CCDC85A: variants seen among roughly 807,000 people sequenced by gnomAD.
The protein encoded by CCDC85A is coiled-coil domain-containing protein 85A.
A neutral mutation model predicts 50.2 loss-of-function variants in CCDC85A; 38 were observed. That is an observed-to-expected ratio of 0.76 (90% CI 0.58 to 0.99). The LOEUF (loss-of-function observed/expected upper bound fraction) is 0.99. Among genes scored for constraint, CCDC85A ranks in the 50% least tolerant of loss-of-function variants. The probability of loss-of-function intolerance (pLI) is 0.00; values close to 1 mark genes in which losing one functional copy is unlikely to be tolerated. For synonymous variants in CCDC85A, 366 were observed against 301.4 expected, an observed-to-expected ratio of 1.21 and a Z score of -2.22; for missense variants, 820 against 742.0, an observed-to-expected ratio of 1.11 and a Z score of -1.22.
intron 3 of CCDC85A, among the ~76,000 whole-genome samples, chr2:56,367,687 C>T (rs1675867686): frequency 6.6e-6 from 1 of 152,132 alleles, no homozygotes; most frequent in African/African-American, 2.4e-5. Context: ...AATGTTTTCT[C>T]TTGGGGGCCA....
rs115349864 is a variant in CCDC85A at position 56,259,655 on chromosome 2, A to G, written c.1240+66215A>G. Among the ~76,000 whole-genome samples the G allele has an allele frequency of 7.7e-3, 1,174 of 152,260 alleles. 17 individuals carry two copies. Among genetic ancestry groups the G allele is most frequent in the African/African-American group, 0.027 (1,119 of 41,558 alleles). ...TTCTCTTTGAGTCTGGGACCATTCA[A>G]AACTCTGCCTGCCTGGCTGGAGCTG... On this transcript the variant is annotated intron_variant, in intron 2 of 5. Transcript: ENST00000407595.
intron 2 of CCDC85A, among the ~76,000 whole-genome samples, chr2:56,321,873 A>C (rs1673212377): frequency 6.6e-6 from 1 of 152,102 alleles, no homozygotes. Flanking sequence ...GGAGGCATCA[A>C]GCTACCTGAC....
chr2:56,299,341 G>T (rs1013521437), intron 2 of CCDC85A, among the ~76,000 whole-genome samples: 1 of 152,174 alleles, frequency 6.6e-6, no homozygotes, highest in Non-Finnish European at 1.5e-5. Context: ...TTAGAGTGCT[G>T]TCAGTGATCT....
intron 2 of CCDC85A, among the ~76,000 whole-genome samples, chr2:56,309,865 C>T (rs1672611724): frequency 6.6e-6 from 1 of 152,102 alleles, no homozygotes; most frequent in African/African-American, 2.4e-5. Context: ...TGAATGTCAG[C>T]TTCATGTACA....
At chr2:56,204,336 T>C (rs1162262286) in intron 2 of CCDC85A, among the ~76,000 whole-genome samples, 1 of 152,224 alleles carries the variant, frequency 6.6e-6, no homozygotes, top group African/African-American at 2.4e-5. Flanking sequence ...TAATGAAGTG[T>C]TCAGATTCAA....
rs571205749 is a variant in CCDC85A at position 56,351,213 on chromosome 2, C to T, written c.1317+8258C>T. On this transcript the variant is annotated intron_variant, in intron 3 of 5. Transcript: ENST00000407595. ...TTTTTTATGGCTGCATAGTATTCCA[C>T]AGTGTATATATGCCACATTTTCTTA... 3.2e-3 allele frequency among the ~76,000 whole-genome samples: 489 copies of T among 151,314 alleles called. 1 individual carries two copies. The highest frequency in any genetic ancestry group is 0.01 in the African/African-American group (425 of 40,786).
intron 3 of CCDC85A, among the ~76,000 whole-genome samples, chr2:56,365,328 T>C (rs1355755094): frequency 6.6e-6 from 1 of 152,190 alleles, no homozygotes; most frequent in South Asian, 2.1e-4. Context: ...GCAGCCACAG[T>C]TATGTGCCTG....
At chr2:56,286,480 C>T (rs551088082) in intron 2 of CCDC85A, among the ~76,000 whole-genome samples, 1 of 152,204 alleles carries the variant, frequency 6.6e-6, no homozygotes, top group East Asian at 1.9e-4. Flanking sequence ...ACTCATTGAT[C>T]CTCTATGCTG....
chr2:56,245,125 C>T (rs1311344750), intron 2 of CCDC85A, among the ~76,000 whole-genome samples: 11 of 152,202 alleles, frequency 7.2e-5, no homozygotes, highest in African/African-American at 2.4e-4. Flanking sequence ...GTGAGCCCAG[C>T]ACAGCACTAG....
intron 2 of CCDC85A, among the ~76,000 whole-genome samples, chr2:56,254,070 A>T (rs1226460763): frequency 6.6e-6 from 1 of 152,206 alleles, no homozygotes; most frequent in Non-Finnish European, 1.5e-5. Flanking sequence ...ACACATATAC[A>T]CATATACATA....
At chr2:56,291,979 G>T (rs937751998) in intron 2 of CCDC85A, among the ~76,000 whole-genome samples, 8 of 152,094 alleles carry the variant, frequency 5.3e-5, no homozygotes, top group Non-Finnish European at 1.0e-4. Context: ...ACAGATGGAG[G>T]GGATTAGGCA....
chr2:56,383,680 A>G (rs1198875249), intron 5 of CCDC85A: 4 of 985,090 alleles, frequency 4.1e-6, no homozygotes, highest in Non-Finnish European at 4.8e-6. Context: ...CCCACTCTGT[A>G]GAAAAAGCCA....
chr2:56,196,273 T>C (rs774628290), intron 2 of CCDC85A, among the ~76,000 whole-genome samples: 1 of 152,256 alleles, frequency 6.6e-6, no homozygotes, highest in Non-Finnish European at 1.5e-5. Flanking sequence ...CTTTAGAAGT[T>C]ACTGTTCAAT....
chr2:56,348,566 G>T (rs1183841269), intron 3 of CCDC85A, among the ~76,000 whole-genome samples: 1 of 152,196 alleles, frequency 6.6e-6, no homozygotes, highest in Non-Finnish European at 1.5e-5. Context: ...TTGGCAAGAG[G>T]CAAGGTGGTT....
intron 2 of CCDC85A, among the ~76,000 whole-genome samples, chr2:56,196,814 A>G (rs1676540657): frequency 6.6e-6 from 1 of 151,814 alleles, no homozygotes; most frequent in African/African-American, 2.4e-5. Context: ...ATTGCTGGTG[A>G]CTGGCAAATG....
chr2:56,326,040 G>A (rs552104270), intron 2 of CCDC85A, among the ~76,000 whole-genome samples: 2 of 152,184 alleles, frequency 1.3e-5, no homozygotes, highest in East Asian at 3.9e-4. Context: ...TTTAAATCAA[G>A]CAGACTTGGT....
intron 2 of CCDC85A, among the ~76,000 whole-genome samples, chr2:56,281,059 C>A (rs1167315041): frequency 6.6e-6 from 1 of 152,096 alleles, no homozygotes; most frequent in Non-Finnish European, 1.5e-5. Flanking sequence ...TAGAACATTT[C>A]CATCACCCCC....
chr2:56,192,924 A>G lies in CCDC85A; in HGVS notation c.724A>G (p.Ser242Gly), dbSNP rs2103825808. The G allele has an allele frequency of 6.2e-7, 1 of 1,612,402 alleles. No homozygotes were observed. The highest frequency in any genetic ancestry group is 2.2e-5 in the East Asian group (1 of 44,760). ...GSPEHLQKPR[S>G]EGSPEHSKHR... ...CCCGGAGCACCTGCAGAAGCCCCGG[A>G]GCGAGGGCAGCCCGGAGCACTCCAA... Residue 242 changes from serine (S) to glycine (G), a missense_variant, in exon 2 of 6, where the codon AGC becomes GGC. Coordinates refer to ENST00000407595, the MANE Select transcript of CCDC85A (RefSeq NM_001080433.2). This position sits in a 1 kb window ranked among gnomAD's most constrained non-coding sequence, Gnocchi z 4.7.
At chr2:56,266,977 T>C (rs1174743552) in intron 2 of CCDC85A, among the ~76,000 whole-genome samples, 1 of 152,086 alleles carries the variant, frequency 6.6e-6, no homozygotes, top group East Asian at 1.9e-4. Flanking sequence ...GAGCAAGATA[T>C]TTGTGGTTTT....
Sources: allele counts gnomAD v4.1 joint callset (sites outside exome capture counted in the v4.1 genomes callset), GRCh38; gene constraint gnomAD v4.1.1; non-coding constraint Gnocchi (gnomAD v3.1); transcripts MANE v1.5; gene names NCBI Gene and HGNC (gene_info 2026-07-23, HGNC 2026-07-21).